CENPW: variants seen among roughly 807,000 people sequenced by gnomAD.
The protein encoded by CENPW is centromere protein W, also known as cancer-up-regulated gene 2 protein.
A neutral mutation model predicts 11.1 loss-of-function variants in CENPW; 3 were observed. The observed-to-expected ratio is 0.27, with a 90% CI of 0.12 to 0.70. CENPW has a LOEUF of 0.70. Among genes scored for constraint, CENPW ranks in the 30% least tolerant of loss-of-function variants. The probability of loss-of-function intolerance (pLI) is 0.77; values close to 1 mark genes in which losing one functional copy is unlikely to be tolerated. For missense variants in CENPW, 100 were observed against 105.6 expected (o/e 0.95, Z 0.23); for synonymous variants, 38 against 42.0 (o/e 0.91, Z 0.37).
chr6:126,373,268 A>C, the CENPW span, among the ~76,000 whole-genome samples: 1 of 152,224 alleles, frequency 6.6e-6, no homozygotes, highest in Non-Finnish European at 1.5e-5. Flanking sequence ...TTTTTAACAC[A>C]CTATGCTTGA....
rs1311521017 is a variant in CENPW at position 126,340,200 on chromosome 6, C to T, written c.-74C>T. On this transcript the variant is annotated 5_prime_UTR_variant, in exon 1 of 3. Coordinates refer to ENST00000368328, the MANE Select transcript of CENPW (RefSeq NM_001012507.4). ...TACGGACCGGATTGTTTTCGCTGGC[C>T]CAGTGTCCCCGGAGCTTGTGTGCGA... 20 of 1,408,064 alleles carry T rather than the reference C, an allele frequency of 1.4e-5. No individual in the cohort carries two copies. The highest frequency in any genetic ancestry group is 3.6e-5 in the Admixed American group (2 of 55,856). The allele number at this position is 1,408,064 out of a possible 1,614,324, so 87.2% of individuals were successfully genotyped here.
the CENPW span, among the ~76,000 whole-genome samples, chr6:126,446,357 GC>G: frequency 3.1e-4 from 39 of 126,426 alleles, no homozygotes; most frequent in African/African-American, 1.1e-3. Context: ...CCCCTCCCTG[GC>G]CCCCCCACAA....
At chr6:126,410,071 G>A in the CENPW span, among the ~76,000 whole-genome samples, 6 of 151,618 alleles carry the variant, frequency 4.0e-5, no homozygotes, top group Non-Finnish European at 8.8e-5. Context: ...TTTCTTTTGT[G>A]TATCTGTTCT....
At chr6:126,387,264 C>G in the CENPW span, among the ~76,000 whole-genome samples, 2 of 151,830 alleles carry the variant, frequency 1.3e-5, no homozygotes, top group Non-Finnish European at 2.9e-5. Flanking sequence ...AGATCACATA[C>G]TAGCTACTCT....
chr6:126,451,800 G>A, the CENPW span, among the ~76,000 whole-genome samples: 16 of 151,048 alleles, frequency 1.1e-4, no homozygotes, highest in Non-Finnish European at 1.5e-4. Context: ...TTTGGTAGGA[G>A]GTATGAAAAC....
At chr6:126,465,263 AAC>A in the CENPW span, among the ~76,000 whole-genome samples, 1 of 152,158 alleles carries the variant, frequency 6.6e-6, no homozygotes, top group Non-Finnish European at 1.5e-5. Context: ...TAAAATTAAA[AAC>A]AGAGTTTACA....
At chr6:126,460,026 A>C in the CENPW span, among the ~76,000 whole-genome samples, 8 of 151,562 alleles carry the variant, frequency 5.3e-5, no homozygotes, top group African/African-American at 1.9e-4. Flanking sequence ...TTTAATAAGC[A>C]AAGATGCAGG....
chr6:126,377,652 AAT>A, the CENPW span, among the ~76,000 whole-genome samples: 1,000 of 152,312 alleles, frequency 6.6e-3, 9 homozygotes, highest in African/African-American at 0.022. Flanking sequence ...ACTTTTAAGA[AAT>A]ATATTTTAAA....
At chr6:126,474,572 TA>T in the CENPW span, among the ~76,000 whole-genome samples, 1 of 152,218 alleles carries the variant, frequency 6.6e-6, no homozygotes, top group African/African-American at 2.4e-5. Flanking sequence ...TTTTGTCTGC[TA>T]TGACAATTAT....
chr6:126,467,086 T>C, the CENPW span, among the ~76,000 whole-genome samples: 1 of 152,162 alleles, frequency 6.6e-6, no homozygotes, highest in Non-Finnish European at 1.5e-5. Flanking sequence ...ATGTATAGAT[T>C]CAGTGCTATT....
the CENPW span, among the ~76,000 whole-genome samples, chr6:126,469,172 C>G: frequency 4.6e-5 from 7 of 152,042 alleles, no homozygotes; most frequent in Non-Finnish European, 1.0e-4. Flanking sequence ...AATTTTAATC[C>G]CCACATGAGA....
the CENPW span, among the ~76,000 whole-genome samples, chr6:126,416,016 C>T: frequency 2.6e-5 from 4 of 152,140 alleles, no homozygotes; most frequent in Non-Finnish European, 5.9e-5. Flanking sequence ...CAGAAGAAGA[C>T]AGGAAACTGT....
At chr6:126,364,205 T>TGA in the CENPW span, among the ~76,000 whole-genome samples, 1 of 152,190 alleles carries the variant, frequency 6.6e-6, no homozygotes, top group Non-Finnish European at 1.5e-5. Flanking sequence ...CTACGCCAGT[T>TGA]GAGCACTCAG....
chr6:126,467,387 T>C, the CENPW span, among the ~76,000 whole-genome samples: 1 of 152,056 alleles, frequency 6.6e-6, no homozygotes, highest in Non-Finnish European at 1.5e-5. Context: ...AATCAAGCAA[T>C]GGGGAAAGTA....
chr6:126,385,087 A>G, the CENPW span, among the ~76,000 whole-genome samples: 1 of 152,144 alleles, frequency 6.6e-6, no homozygotes, highest in Non-Finnish European at 1.5e-5. Flanking sequence ...CAGAATGGCT[A>G]CTATTAAAAA....
the CENPW span, among the ~76,000 whole-genome samples, chr6:126,476,722 T>C: frequency 2.4e-4 from 36 of 152,024 alleles, no homozygotes; most frequent in African/African-American, 7.7e-4. Context: ...ATGAACCTTT[T>C]TTTAAGGAGA....
At chr6:126,402,435 T>C in the CENPW span, among the ~76,000 whole-genome samples, 7 of 152,118 alleles carry the variant, frequency 4.6e-5, no homozygotes, top group African/African-American at 1.7e-4. Flanking sequence ...CAATAATCAC[T>C]ACTATCAATT....
chr6:126,440,745 T>G, the CENPW span, among the ~76,000 whole-genome samples: 1 of 151,516 alleles, frequency 6.6e-6, no homozygotes, highest in Non-Finnish European at 1.5e-5. Context: ...TATTTGGCAT[T>G]AATTAGATAA....
chr6:126,412,976 G>A, the CENPW span, among the ~76,000 whole-genome samples: 3 of 151,944 alleles, frequency 2.0e-5, no homozygotes, highest in Non-Finnish European at 2.9e-5. Context: ...AGATTTTCTC[G>A]AATAAATATT....
Sources: gnomAD v4.1 joint callset for allele counts (sites outside exome capture counted in the v4.1 genomes callset) on GRCh38, gnomAD v4.1.1 for gene constraint, MANE v1.5 for transcripts, NCBI Gene and HGNC (gene_info 2026-07-23, HGNC 2026-07-21) for gene names.